Variants in C1orf21 observed in about 807,000 individuals in gnomAD.
C1orf21 encodes the protein chromosome 1 open reading frame 21.
C1orf21 carries 3 observed loss-of-function variants against 18.7 expected under a neutral mutation model. The ratio of observed to expected loss-of-function variants is 0.16; its 90% CI spans 0.07 to 0.42. The LOEUF is 0.42. Ranked by LOEUF, C1orf21 falls within the 10% of genes least tolerant of loss-of-function variation. The probability of loss-of-function intolerance (pLI) is 0.99; values close to 1 mark genes in which losing one functional copy is unlikely to be tolerated. For missense variants in C1orf21, 104 were observed against 143.6 expected (o/e 0.72, Z 1.41); for synonymous variants, 41 against 46.4 (o/e 0.88, Z 0.47).
At chr1:184,512,798 C>A (rs1232981414) in intron 3 of C1orf21, among the ~76,000 whole-genome samples, 2 of 152,216 alleles carry the variant, frequency 1.3e-5, no homozygotes, top group Non-Finnish European at 2.9e-5. Flanking sequence ...AAGCCTCAGA[C>A]CCTGGACCAG....
intron 1 of C1orf21, among the ~76,000 whole-genome samples, chr1:184,450,080 G>T (rs1307404065): frequency 2.0e-5 from 3 of 152,142 alleles, no homozygotes; most frequent in Non-Finnish European, 4.4e-5. Flanking sequence ...TTATGAGTCA[G>T]TTGCTTAGAA....
At chr1:184,515,430 T>G (rs1658210343) in intron 3 of C1orf21, among the ~76,000 whole-genome samples, 2 of 152,300 alleles carry the variant, frequency 1.3e-5, no homozygotes, top group African/African-American at 4.8e-5. Context: ...GAAGTCTGAT[T>G]AACAGATTAG....
At chr1:184,606,967 G>T (rs1021925736) in intron 5 of C1orf21, among the ~76,000 whole-genome samples, 3 of 152,170 alleles carry the variant, frequency 2.0e-5, no homozygotes, top group African/African-American at 7.2e-5. Flanking sequence ...GGCACATTAT[G>T]TTCTGAACAT....
chr1:184,582,083 C>T (rs144660529), intron 3 of C1orf21, among the ~76,000 whole-genome samples: 1 of 152,152 alleles, frequency 6.6e-6, no homozygotes, highest in Admixed American at 6.5e-5. Flanking sequence ...TGTAAACATC[C>T]TGAAATTCTG....
chr1:184,539,041 T>C lies in C1orf21; in HGVS notation c.189+31359T>C, dbSNP rs141532880. Among the ~76,000 whole-genome samples, 205 of 152,318 alleles carry C rather than the reference T, an allele frequency of 1.3e-3. 1 individual carries two copies. The highest frequency in any genetic ancestry group is 2.7e-3 in the Admixed American group (41 of 15,300). On this transcript the variant is annotated intron_variant, in intron 3 of 5. Transcript: ENST00000235307. ...TAGAACTTCCAGTTCCATGTTGAATTGAAGTGATGAAAATGGGCATCCTTC... is the reference window on the plus strand; with the variant it reads ...TAGAACTTCCAGTTCCATGTTGAATCGAAGTGATGAAAATGGGCATCCTTC...
chr1:184,416,608 T>A (rs2101964736), intron 1 of C1orf21, among the ~76,000 whole-genome samples: 1 of 152,260 alleles, frequency 6.6e-6, no homozygotes, highest in Non-Finnish European at 1.5e-5. Flanking sequence ...ATGAGAAAAC[T>A]GGTTTCATTG....
intron 5 of C1orf21, among the ~76,000 whole-genome samples, chr1:184,600,109 A>G (rs1474170404): frequency 6.6e-6 from 1 of 152,212 alleles, no homozygotes; most frequent in Admixed American, 6.5e-5. Context: ...ATTTTAAGTT[A>G]TCTTTTTAAA....
chr1:184,556,160 T>C (rs1658876824), intron 3 of C1orf21, among the ~76,000 whole-genome samples: 1 of 152,166 alleles, frequency 6.6e-6, no homozygotes, highest in African/African-American at 2.4e-5. Flanking sequence ...CATGGGGTTT[T>C]ATTTGGCTTC....
intron 1 of C1orf21, among the ~76,000 whole-genome samples, chr1:184,437,350 C>T (rs764547336): frequency 1.6e-4 from 24 of 152,178 alleles, no homozygotes; most frequent in Non-Finnish European, 3.2e-4. Flanking sequence ...GCAAAACCAA[C>T]AGCCATCGAT....
At chr1:184,458,896 G>A (rs570839512) in intron 1 of C1orf21, among the ~76,000 whole-genome samples, 1 of 152,280 alleles carries the variant, frequency 6.6e-6, no homozygotes, top group East Asian at 1.9e-4. Flanking sequence ...CTAGAAATTA[G>A]GGTAGTGTTT....
chr1:184,415,952 A>G (rs1412598596), intron 1 of C1orf21, among the ~76,000 whole-genome samples: 1 of 152,244 alleles, frequency 6.6e-6, no homozygotes, highest in East Asian at 1.9e-4. Context: ...TCCTTTCTAC[A>G]TCTTCTCAGG....
intron 3 of C1orf21, among the ~76,000 whole-genome samples, chr1:184,566,338 T>C (rs1659035523): frequency 6.6e-6 from 1 of 152,216 alleles, no homozygotes; most frequent in Non-Finnish European, 1.5e-5. Context: ...TTTTGCAGGT[T>C]GGAGACATTA....
intron 3 of C1orf21, among the ~76,000 whole-genome samples, chr1:184,535,153 T>C (rs1266465763): frequency 6.6e-6 from 1 of 152,184 alleles, no homozygotes. Flanking sequence ...GGAACTACGA[T>C]CTGTTGTAGG....
chr1:184,416,499 T>C (rs1656454271), intron 1 of C1orf21, among the ~76,000 whole-genome samples: 1 of 152,332 alleles, frequency 6.6e-6, no homozygotes, highest in East Asian at 1.9e-4. Flanking sequence ...TAATCCCAAA[T>C]AATTTGTCAT....
At chr1:184,410,659 A>ATTTTT (rs1260228494) in intron 1 of C1orf21, among the ~76,000 whole-genome samples, 4 of 6,088 alleles carry the variant, frequency 6.6e-4, no homozygotes, top group African/African-American at 1.7e-3. Context: ...ATATATATAT[A>ATTTTT]TATATTTTTT....
intron 1 of C1orf21, among the ~76,000 whole-genome samples, chr1:184,427,242 C>G (rs185144457): frequency 6.6e-6 from 1 of 152,250 alleles, no homozygotes; most frequent in East Asian, 1.9e-4. Flanking sequence ...CTAGTGCTTA[C>G]AAAAATCTGC....
At chr1:184,440,719 A>G (rs1271531501) in intron 1 of C1orf21, among the ~76,000 whole-genome samples, 9 of 152,204 alleles carry the variant, frequency 5.9e-5, no homozygotes. Flanking sequence ...CAGAGGAGAG[A>G]GGGAAGGGTT....
intron 2 of C1orf21, among the ~76,000 whole-genome samples, chr1:184,492,602 C>T (rs188328239): frequency 9.8e-5 from 15 of 152,314 alleles, no homozygotes; most frequent in African/African-American, 3.4e-4. Context: ...CCAATATCTT[C>T]TGTAGCTTCA....
intron 3 of C1orf21, among the ~76,000 whole-genome samples, chr1:184,517,801 A>G (rs1443070553): frequency 1.3e-5 from 2 of 152,176 alleles, no homozygotes; most frequent in Non-Finnish European, 2.9e-5. Context: ...TAGACAGTTT[A>G]ATAAATACCA....
Sources: allele counts gnomAD v4.1 joint callset (sites outside exome capture counted in the v4.1 genomes callset), GRCh38; gene constraint gnomAD v4.1.1; transcripts MANE v1.5; gene names NCBI Gene and HGNC (gene_info 2026-07-23, HGNC 2026-07-21).